RIMS1: variants seen among roughly 807,000 people sequenced by gnomAD.
RIMS1 encodes the protein regulating synaptic membrane exocytosis 1, also known as regulating synaptic membrane exocytosis protein 1.
A neutral mutation model predicts 214.1 loss-of-function variants in RIMS1; 83 were observed. The observed-to-expected ratio is 0.39, with a 90% CI of 0.32 to 0.47. RIMS1 has a LOEUF of 0.47. Ranked by LOEUF, RIMS1 falls within the 20% of genes least tolerant of loss-of-function variation. The pLI is 0.99. For missense variants in RIMS1, 2,050 were observed against 2,161.8 expected (o/e 0.95, Z 1.03); for synonymous variants, 793 against 786.8 (o/e 1.01, Z -0.13).
intron 29 of RIMS1, among the ~76,000 whole-genome samples, chr6:72,365,129 C>T (rs767113337): frequency 6.6e-6 from 1 of 152,258 alleles, no homozygotes; most frequent in African/African-American, 2.4e-5. Flanking sequence ...CTCTAAGGCA[C>T]AAAAGTGCTC....
intron 1 of RIMS1, among the ~76,000 whole-genome samples, chr6:71,907,394 AG>A (rs1775564393): frequency 6.6e-6 from 1 of 152,184 alleles, no homozygotes; most frequent in Non-Finnish European, 1.5e-5. Flanking sequence ...AACAATTAAC[AG>A]ATTTTTCACC....
chr6:72,124,179 A>G (rs1284877350), intron 4 of RIMS1, among the ~76,000 whole-genome samples: 1 of 151,784 alleles, frequency 6.6e-6, no homozygotes, highest in Non-Finnish European at 1.5e-5. Flanking sequence ...TGGTGACAAA[A>G]TCTCTCAGCA....
At position 72,347,403 on chromosome 6, in the gene RIMS1, C is replaced by T. The variant is rs545189797; in HGVS notation, c.4366+13568C>T. ...TATTCCCTTTCTTTCTGAGGCCACT[C>T]AGTCCCCCTCACTGCAGTCTGAATT... On this transcript the variant is annotated intron_variant, in intron 29 of 33. Transcript: ENST00000521978. 1.1e-3 allele frequency among the ~76,000 whole-genome samples: 163 copies of T among 151,938 alleles called. 1 individual carries two copies. The highest frequency in any genetic ancestry group is 3.7e-3 in the African/African-American group (154 of 41,508).
intron 4 of RIMS1, among the ~76,000 whole-genome samples, chr6:72,123,880 T>C (rs1347353586): frequency 6.6e-6 from 1 of 151,848 alleles, no homozygotes; most frequent in African/African-American, 2.4e-5. Flanking sequence ...GCATGTGAGA[T>C]GGGTTTCCTG....
At chr6:72,365,391 T>G (rs1018154640) in intron 29 of RIMS1, among the ~76,000 whole-genome samples, 2 of 152,194 alleles carry the variant, frequency 1.3e-5, no homozygotes, top group African/African-American at 4.8e-5. Context: ...GCAGATACAT[T>G]GTTTACCAAG....
At chr6:72,067,791 C>T (rs1351955306) in intron 2 of RIMS1, among the ~76,000 whole-genome samples, 1 of 152,182 alleles carries the variant, frequency 6.6e-6, no homozygotes, top group Non-Finnish European at 1.5e-5. Flanking sequence ...ATACTGAGTA[C>T]TATACTCTTT....
chr6:72,331,965 A>G (rs560050710), intron 28 of RIMS1, among the ~76,000 whole-genome samples: 1 of 151,810 alleles, frequency 6.6e-6, no homozygotes, highest in Non-Finnish European at 1.5e-5. Flanking sequence ...GATCCTAAGG[A>G]CCAGTCTTAC....
intron 4 of RIMS1, among the ~76,000 whole-genome samples, chr6:72,174,918 T>C (rs747605001): frequency 1.3e-5 from 2 of 152,048 alleles, no homozygotes; most frequent in Non-Finnish European, 2.9e-5. Context: ...TGAATAGCAA[T>C]AACAACAATA....
chr6:72,147,590 G>T (rs2042923879), intron 4 of RIMS1, among the ~76,000 whole-genome samples: 1 of 152,168 alleles, frequency 6.6e-6, no homozygotes, highest in African/African-American at 2.4e-5. Flanking sequence ...TCATGTGTGT[G>T]TGCATTAACA....
Position 72,400,707 on chromosome 6 carries a change from G to T in RIMS1, c.5072G>T (p.Arg1691Leu). The change falls in exon 34 of 34, where the codon CGA becomes CTA. Residue 1691 changes from arginine (R) to leucine (L), a missense_variant. Arg to Leu is a moderately radical substitution (Grantham distance 102). Around this residue, in one of 6 missense-constraint regions of RIMS1, gnomAD observed 33 missense variants for 40.9 expected, o/e 0.81. Coordinates refer to ENST00000521978, the MANE Select transcript of RIMS1 (RefSeq NM_014989.7). ...AGTTCAACTGGGCCTCCCTGTATTC[G>T]ATCATAGTGAACTCATACCAGAGTC... ...LESSTGPPCIRS is the reference protein window; with the variant it reads ...LESSTGPPCILS 6.2e-7 allele frequency: 1 copy of T among 1,609,718 alleles called. No homozygotes were observed. Among genetic ancestry groups the T allele is most frequent in the Non-Finnish European group, 8.5e-7 (1 of 1,176,416 alleles).
intron 2 of RIMS1, among the ~76,000 whole-genome samples, chr6:72,086,221 A>G (rs1028412643): frequency 2.6e-5 from 4 of 152,204 alleles, no homozygotes; most frequent in Non-Finnish European, 5.9e-5. Context: ...AGGAGACGAC[A>G]AAGGCAAATG....
chr6:72,149,255 C>T (rs960898122), intron 4 of RIMS1, among the ~76,000 whole-genome samples: 2 of 152,186 alleles, frequency 1.3e-5, no homozygotes, highest in Non-Finnish European at 1.5e-5. Flanking sequence ...TAGTTTGCAA[C>T]AGCACCTTTA....
chr6:71,910,158 C>A (rs1233953841), intron 1 of RIMS1, among the ~76,000 whole-genome samples: 3 of 152,074 alleles, frequency 2.0e-5, no homozygotes, highest in Non-Finnish European at 4.4e-5. Context: ...ACACACTTTT[C>A]TCCTGGTCAG....
chr6:72,135,741 A>C (rs1259768455), intron 4 of RIMS1, among the ~76,000 whole-genome samples: 1 of 152,194 alleles, frequency 6.6e-6, no homozygotes, highest in Admixed American at 6.6e-5. Flanking sequence ...AAAAATTGAG[A>C]AATGTTTTTG....
intron 4 of RIMS1, among the ~76,000 whole-genome samples, chr6:72,115,333 G>A (rs1328790853): frequency 6.6e-6 from 1 of 151,764 alleles, no homozygotes; most frequent in Non-Finnish European, 1.5e-5. Flanking sequence ...AGAATTCTGT[G>A]ACCTAAATAC....
chr6:71,943,083 ACTACTAAAATAGT>A (rs1786693569), intron 1 of RIMS1, among the ~76,000 whole-genome samples: 1 of 152,174 alleles, frequency 6.6e-6, no homozygotes, highest in Non-Finnish European at 1.5e-5. Context: ...TACCATGGTT[ACTACTAAAATAGT>A]ACTGGCATGT....
intron 6 of RIMS1, among the ~76,000 whole-genome samples, chr6:72,199,899 G>T (rs1022187935): frequency 6.6e-6 from 1 of 151,946 alleles, no homozygotes; most frequent in African/African-American, 2.4e-5. Context: ...CCATTAGAAC[G>T]ACTAAGAAAA....
rs971914343 is a variant in RIMS1 at position 72,192,077 on chromosome 6, A to C, written c.1678+8928A>C. Among the ~76,000 whole-genome samples the C allele has an allele frequency of 7.2e-5, 11 of 152,338 alleles. No homozygotes were observed. In the South Asian group the frequency reaches 2.3e-3, roughly 32 times the overall value. On this transcript the variant is annotated intron_variant, in intron 6 of 33. Coordinates refer to ENST00000521978, the MANE Select transcript of RIMS1 (RefSeq NM_014989.7). ...GTGGGGGTTCTGCCAGCTGCTAAGT[A>C]CGTCTGTGCCAATTATGCATTCTGT...
intron 6 of RIMS1, among the ~76,000 whole-genome samples, chr6:72,205,372 T>C (rs1362928122): frequency 1.3e-5 from 2 of 152,306 alleles, no homozygotes; most frequent in Middle Eastern, 3.4e-3. Context: ...GAAATTTTAA[T>C]TGGCATAATC....
Sources: gnomAD v4.1 joint callset for allele counts (sites outside exome capture counted in the v4.1 genomes callset) on GRCh38, gnomAD v4.1.1 for gene constraint, gnomAD v4.1.1 regional missense constraint, MANE v1.5 for transcripts, NCBI Gene and HGNC (gene_info 2026-07-23, HGNC 2026-07-21) for gene names.